The following ZSWIM6 variants were observed in gnomAD, a reference collection of about 807,000 sequenced individuals.
ZSWIM6 encodes zinc finger SWIM-type containing 6.
ZSWIM6 carries 9 observed loss-of-function variants against 113.2 expected under a neutral mutation model. That is an observed-to-expected ratio of 0.08 (90% CI 0.05 to 0.14). The LOEUF (loss-of-function observed/expected upper bound fraction) is 0.14, where lower values mean the gene tolerates loss of function less well. Ranked by LOEUF, ZSWIM6 falls within the 10% of genes least tolerant of loss-of-function variation. The pLI is 1.00. For missense variants in ZSWIM6, 1,162 were observed against 1,552.2 expected, an observed-to-expected ratio of 0.75 and a Z score of 4.22; for synonymous variants, 611 against 606.5, an observed-to-expected ratio of 1.01 and a Z score of -0.11.
intron 12 of ZSWIM6, among the ~76,000 whole-genome samples, chr5:61,540,437 G>A (rs1416406859): frequency 1.3e-5 from 2 of 152,144 alleles, no homozygotes; most frequent in African/African-American, 4.8e-5. Flanking sequence ...GAACAAAATT[G>A]TTATACCCCA....
At chr5:61,338,942 ATTG>A (rs1744467018) in intron 1 of ZSWIM6, among the ~76,000 whole-genome samples, 1 of 152,088 alleles carries the variant, frequency 6.6e-6, no homozygotes, top group Non-Finnish European at 1.5e-5. Context: ...TTAAGTCATT[ATTG>A]TTCTAAGTAT....
chr5:61,332,588 C>A lies in ZSWIM6; in HGVS notation c.316C>A (p.Gln106Lys). Residue 106 changes from glutamine (Q) to lysine (K), a missense_variant, in exon 1 of 14, where the codon CAG becomes AAG. Physicochemically the swap from Gln to Lys is moderately conservative, Grantham distance 53. Coordinates refer to ENST00000252744, the MANE Select transcript of ZSWIM6 (RefSeq NM_020928.2). ...ERFERIPEPV[Q>K]RRIVYWSFPR... The stretch of plus-strand genomic sequence containing the variant: ...CTTTGAGCGCATCCCGGAGCCGGTG[C>A]AGCGCCGCATAGTCTATTGGTCCTT... 1 of 1,346,264 alleles carries A rather than the reference C, an allele frequency of 7.4e-7. No homozygotes were observed. Among genetic ancestry groups the A allele is most frequent in the Non-Finnish European group, 9.8e-7 (1 of 1,020,266 alleles). 83.4% of individuals were successfully genotyped at this position (1,346,264 alleles called of 1,614,324 possible).
intron 1 of ZSWIM6, among the ~76,000 whole-genome samples, chr5:61,336,773 CA>C (rs1744408047): frequency 6.6e-6 from 1 of 152,002 alleles, no homozygotes; most frequent in Non-Finnish European, 1.5e-5. Context: ...AAAAAAAAAT[CA>C]AAAAGTTTCT....
chr5:61,449,353 T>G (rs899971789), intron 1 of ZSWIM6, among the ~76,000 whole-genome samples: 1 of 152,164 alleles, frequency 6.6e-6, no homozygotes, highest in Non-Finnish European at 1.5e-5. Context: ...ATAAAACTTT[T>G]TTAGCAATTT....
intron 1 of ZSWIM6, among the ~76,000 whole-genome samples, chr5:61,353,327 T>A (rs1744829786): frequency 6.6e-6 from 1 of 152,182 alleles, no homozygotes; most frequent in Non-Finnish European, 1.5e-5. Flanking sequence ...CTAGCTCTCA[T>A]AACAACTTTG....
intron 2 of ZSWIM6, among the ~76,000 whole-genome samples, chr5:61,473,359 C>G (rs562402656): frequency 2.3e-4 from 35 of 152,238 alleles, no homozygotes; most frequent in African/African-American, 7.9e-4. Context: ...AATACACTGA[C>G]TTGTGCATAT....
rs1372575470 is a variant in ZSWIM6 at position 61,490,911 on chromosome 5, C to A, written c.1159C>A (p.Gln387Lys). The change falls in exon 3 of 14, where the codon CAG becomes AAG. Residue 387 changes from glutamine (Q) to lysine (K), a missense_variant. Physicochemically the swap from Gln to Lys is moderately conservative, Grantham distance 53. Around this residue, in one of 4 missense-constraint regions of ZSWIM6, gnomAD observed 96 missense variants for 240.3 expected, o/e 0.40. Coordinates refer to ENST00000252744, the MANE Select transcript of ZSWIM6 (RefSeq NM_020928.2). Reference protein sequence around the residue: ...SQGGYHGSGKQLNLLFAKVRE... With the variant: ...SQGGYHGSGKKLNLLFAKVRE... Reference sequence around the variant, plus strand: ...GGGCGGGTACCACGGATCAGGGAAGCAGCTTAATTTGCTCTTTGCAAAGGT... The same window carrying A: ...GGGCGGGTACCACGGATCAGGGAAGAAGCTTAATTTGCTCTTTGCAAAGGT... The A allele has an allele frequency of 6.5e-7, 1 of 1,536,312 alleles. No individual in the cohort carries two copies. The highest frequency in any genetic ancestry group is 2.5e-5 in the East Asian group (1 of 40,352).
intron 1 of ZSWIM6, among the ~76,000 whole-genome samples, chr5:61,437,801 C>G (rs1294363492): frequency 1.3e-5 from 2 of 151,620 alleles, no homozygotes. Context: ...ATTTATAAAG[C>G]CAGAATAATC....
chr5:61,333,009 G>GGGGCCCCC, intron 1 of ZSWIM6, 61 bp downstream of exon 1: 4 of 439,804 alleles, frequency 9.1e-6, no homozygotes, highest in Non-Finnish European at 1.3e-5. Flanking sequence ...TGGGGGGGGG[G>GGGGCCCCC]TGCCCGCCTT....
At chr5:61,504,830 T>G (rs1748557379) in intron 4 of ZSWIM6, among the ~76,000 whole-genome samples, 1 of 152,126 alleles carries the variant, frequency 6.6e-6, no homozygotes, top group Admixed American at 6.6e-5. Flanking sequence ...GGAGACAAAT[T>G]AACAAGAATC....
intron 1 of ZSWIM6, among the ~76,000 whole-genome samples, chr5:61,431,587 T>TA (rs1051153368): frequency 1.4e-5 from 2 of 146,036 alleles, no homozygotes; most frequent in African/African-American, 2.5e-5. Flanking sequence ...CTACTAAAAA[T>TA]AAAAAAAATT....
At chr5:61,500,014 C>A (rs1251112460) in intron 4 of ZSWIM6, among the ~76,000 whole-genome samples, 8 of 151,932 alleles carry the variant, frequency 5.3e-5, no homozygotes, top group Non-Finnish European at 1.0e-4. Flanking sequence ...ATAACTTGCC[C>A]GAGGTCACAG....
At chr5:61,500,126 T>TATTATTATTATC (rs913117323) in intron 4 of ZSWIM6, among the ~76,000 whole-genome samples, 42 of 145,800 alleles carry the variant, frequency 2.9e-4, no homozygotes, top group African/African-American at 9.9e-4. Flanking sequence ...TTATTATTAT[T>TATTATTATTATC]ATCATTATCA....
At chr5:61,368,061 A>G (rs1296907338) in intron 1 of ZSWIM6, among the ~76,000 whole-genome samples, 2 of 152,166 alleles carry the variant, frequency 1.3e-5, no homozygotes, top group African/African-American at 4.8e-5. Flanking sequence ...CAAAAGGTCG[A>G]GACTGTAGTA....
At chr5:61,457,543 CAG>C (rs1250421839) in intron 1 of ZSWIM6, among the ~76,000 whole-genome samples, 1 of 151,896 alleles carries the variant, frequency 6.6e-6, no homozygotes, top group Non-Finnish European at 1.5e-5. Context: ...TTTTTTGAGA[CAG>C]AGTTTCACTC....
At chr5:61,410,334 G>A (rs997184427) in intron 1 of ZSWIM6, among the ~76,000 whole-genome samples, 1 of 143,026 alleles carries the variant, frequency 7.0e-6, no homozygotes, top group African/African-American at 2.6e-5. Context: ...TTTTTCAGAC[G>A]GAGTCTCACT....
At chr5:61,458,446 A>G (rs1747254869) in intron 1 of ZSWIM6, among the ~76,000 whole-genome samples, 1 of 152,240 alleles carries the variant, frequency 6.6e-6, no homozygotes, top group Non-Finnish European at 1.5e-5. Context: ...AATACTCTAC[A>G]TAATTTTGTG....
At position 61,332,287 on chromosome 5, in the gene ZSWIM6, A is replaced by T; in HGVS notation, c.15A>T (p.Gly5=). The T allele has an allele frequency of 8.6e-7, 1 of 1,163,406 alleles. No homozygotes were observed. The highest frequency in any genetic ancestry group is 4.2e-5 in the South Asian group (1 of 23,824). 72.1% of individuals were successfully genotyped at this position (1,163,406 alleles called of 1,614,324 possible). MAER[G]QQPPPAKRLC... ...GCGGCGCGGTCATGGCGGAGCGCGG[A>T]CAGCAGCCTCCTCCCGCGAAACGGC... is the stretch of plus-strand genomic sequence containing the variant. The change falls in exon 1 of 14, where the codon GGA becomes GGT. Residue 5 remains glycine (G), a synonymous_variant. Coordinates refer to ENST00000252744, the MANE Select transcript of ZSWIM6 (RefSeq NM_020928.2).
At chr5:61,514,404 G>T (rs1285376864) in intron 4 of ZSWIM6, among the ~76,000 whole-genome samples, 1 of 151,674 alleles carries the variant, frequency 6.6e-6, no homozygotes, top group East Asian at 1.9e-4. Context: ...AGAATTTCCA[G>T]TGTGATGCTG....
Sources: gnomAD v4.1 joint callset for allele counts (sites outside exome capture counted in the v4.1 genomes callset) on GRCh38, gnomAD v4.1.1 for gene constraint, gnomAD v4.1.1 regional missense constraint, MANE v1.5 for transcripts, NCBI Gene and HGNC (gene_info 2026-07-23, HGNC 2026-07-21) for gene names.